OR3A3: variants seen among roughly 807,000 people sequenced by gnomAD.
The protein encoded by OR3A3 is olfactory receptor family 3 subfamily A member 3.
For synonymous variants in OR3A3, 103 were observed against 163.9 expected, an observed-to-expected ratio of 0.63 and a Z score of 2.84; for missense variants, 275 against 391.4, an observed-to-expected ratio of 0.70 and a Z score of 2.51.
chr17:3,419,177 A>G (rs1273126327), intron 2 of OR3A3, among the ~76,000 whole-genome samples: 1 of 152,230 alleles, frequency 6.6e-6, no homozygotes, highest in East Asian at 1.9e-4. Flanking sequence ...GGAGTGTTGA[A>G]TTGACACTTC....
At chr17:3,419,995 CT>C (rs1329664158) in intron 2 of OR3A3, among the ~76,000 whole-genome samples, 9 of 152,252 alleles carry the variant, frequency 5.9e-5, no homozygotes, top group Non-Finnish European at 1.0e-4. Flanking sequence ...TCTCAATCTC[CT>C]GACCTCGTGA....
At chr17:3,421,214 C>A in exon 3 of OR3A3, 1 of 1,614,206 alleles carries the variant, frequency 6.2e-7, no homozygotes, top group Non-Finnish European at 8.5e-7. Context: ...GCCTTCATGG[C>A]TGTGGCACCC....
At chr17:3,419,622 C>G (rs762794521) in intron 2 of OR3A3, among the ~76,000 whole-genome samples, 1 of 151,822 alleles carries the variant, frequency 6.6e-6, no homozygotes, top group Non-Finnish European at 1.5e-5. Context: ...CACACTGTAC[C>G]CCATAAATAT....
exon 3 of OR3A3, chr17:3,422,951 G>A (rs2072445568): frequency 6.6e-6 from 1 of 152,272 alleles, no homozygotes. Context: ...TGAAGGAAAT[G>A]ATGCAATGAG....
intron 2 of OR3A3, among the ~76,000 whole-genome samples, chr17:3,414,132 C>T (rs1347293794): frequency 1.3e-5 from 2 of 152,008 alleles, no homozygotes; most frequent in Non-Finnish European, 2.9e-5. Context: ...AGTGCAGTGG[C>T]GCAATTTCAG....
At chr17:3,420,728 T>A in exon 3 of OR3A3, 7 of 1,446,682 alleles carry the variant, frequency 4.8e-6, no homozygotes, top group Non-Finnish European at 6.6e-6. Context: ...AACCTCAGCA[T>A]CCTGGCAGCC....
At chr17:3,417,285 TTTTCA>T (rs1309245424) in intron 2 of OR3A3, among the ~76,000 whole-genome samples, 1 of 152,174 alleles carries the variant, frequency 6.6e-6, no homozygotes, top group African/African-American at 2.4e-5. Flanking sequence ...GGGTTAAGCC[TTTTCA>T]TTTCAACATT....
exon 3 of OR3A3, chr17:3,421,475 A>G (rs2072434832): frequency 6.4e-7 from 1 of 1,572,032 alleles, no homozygotes; most frequent in Non-Finnish European, 8.6e-7. Context: ...AGCCTCAGAA[A>G]TACTGATGTT....
intron 2 of OR3A3, among the ~76,000 whole-genome samples, chr17:3,414,759 C>T (rs2150680268): frequency 6.6e-6 from 1 of 152,268 alleles, no homozygotes; most frequent in East Asian, 1.9e-4. Context: ...GGGAGAGCTG[C>T]TGTCTACTCC....
At chr17:3,414,332 C>G (rs2956853) in intron 2 of OR3A3, among the ~76,000 whole-genome samples, 2 of 151,976 alleles carry the variant, frequency 1.3e-5, no homozygotes, top group Non-Finnish European at 2.9e-5. Context: ...CGGCCTCCCA[C>G]AGTGCTGGGA....
chr17:3,417,116 T>G (rs1597375609), intron 2 of OR3A3, among the ~76,000 whole-genome samples: 2 of 152,080 alleles, frequency 1.3e-5, no homozygotes, highest in South Asian at 4.1e-4. Context: ...TACTCACGAT[T>G]AGATCACTTA....
chr17:3,414,029 C>T (rs2072376786), intron 2 of OR3A3, among the ~76,000 whole-genome samples: 1 of 152,074 alleles, frequency 6.6e-6, no homozygotes, highest in African/African-American at 2.4e-5. Context: ...CAGTGAGATG[C>T]ACGTTATCCA....
intron 2 of OR3A3, among the ~76,000 whole-genome samples, chr17:3,414,001 C>G (rs1196203052): frequency 1.3e-5 from 2 of 152,150 alleles, no homozygotes; most frequent in African/African-American, 2.4e-5. Context: ...TGGAGACATC[C>G]TCTTGCTGTA....
exon 3 of OR3A3, chr17:3,422,722 A>T (rs16953034): frequency 0.16 from 23,913 of 152,180 alleles, 2,511 homozygotes; most frequent in East Asian, 0.36. Context: ...TCTGCTGTTC[A>T]TCCCTAAAAC....
At chr17:3,421,349 A>G (rs1470892933) in exon 3 of OR3A3, 14 of 1,614,046 alleles carry the variant, frequency 8.7e-6, no homozygotes, top group Middle Eastern at 3.3e-4. Context: ...GGCATCTTCT[A>G]TGGGACAGGT....
chr17:3,415,516 A>T (rs1218223338), intron 2 of OR3A3, among the ~76,000 whole-genome samples: 1 of 148,664 alleles, frequency 6.7e-6, no homozygotes, highest in Admixed American at 6.8e-5. Context: ...AGCCAAGATC[A>T]TGCCACTGCA....
intron 2 of OR3A3, among the ~76,000 whole-genome samples, chr17:3,416,833 G>A (rs1469248745): frequency 6.6e-6 from 1 of 151,968 alleles, no homozygotes; most frequent in Non-Finnish European, 1.5e-5. Context: ...TTGTGTTGGG[G>A]ACATTCCAAT....
intron 2 of OR3A3, among the ~76,000 whole-genome samples, chr17:3,412,447 C>A (rs1391817555): frequency 6.8e-6 from 1 of 147,158 alleles, no homozygotes; most frequent in Non-Finnish European, 1.5e-5. Context: ...AGCGGGGAAC[C>A]CTCGCTCCAG....
At chr17:3,416,234 T>C (rs567555953) in intron 2 of OR3A3, among the ~76,000 whole-genome samples, 1 of 152,196 alleles carries the variant, frequency 6.6e-6, no homozygotes, top group Admixed American at 6.5e-5. Flanking sequence ...ATGGAAAGGA[T>C]CACATAATCT....
Sources: gnomAD v4.1 joint callset for allele counts (sites outside exome capture counted in the v4.1 genomes callset) on GRCh38, gnomAD v4.1.1 for gene constraint, MANE v1.5 for transcripts, NCBI Gene and HGNC (gene_info 2026-07-23, HGNC 2026-07-21) for gene names.